The following KPNA6 variants were observed in gnomAD, a reference collection of about 807,000 sequenced individuals.
KPNA6 encodes karyopherin subunit alpha 6, also known as importin subunit alpha-7.
Under a neutral mutation model 72.0 loss-of-function variants are expected in KPNA6, and 9 were observed. That is an observed-to-expected ratio of 0.13 (90% CI 0.08 to 0.22). The LOEUF is 0.22. Among genes scored for constraint, KPNA6 ranks in the 10% least tolerant of loss-of-function variants. The pLI is 1.00. For missense variants in KPNA6, 374 were observed against 655.7 expected, an observed-to-expected ratio of 0.57 and a Z score of 4.69; for synonymous variants, 219 against 242.1, an observed-to-expected ratio of 0.90 and a Z score of 0.89.
intron 10 of KPNA6, among the ~76,000 whole-genome samples, chr1:32,164,734 A>G (rs1642301733): frequency 7.3e-6 from 1 of 137,572 alleles, no homozygotes; most frequent in Non-Finnish European, 1.6e-5. Flanking sequence ...TCTTTTGCTC[A>G]TGTTTTAATT....
At chr1:32,163,479 C>G (rs1642278786) in intron 10 of KPNA6, among the ~76,000 whole-genome samples, 166 bp downstream of exon 10, 1 of 152,190 alleles carries the variant, frequency 6.6e-6, no homozygotes, top group South Asian at 2.1e-4. Flanking sequence ...CTCTGTTATT[C>G]TCTAAACAGT....
chr1:32,119,014 A>G (rs1641378960), intron 1 of KPNA6, among the ~76,000 whole-genome samples: 1 of 67,628 alleles, frequency 1.5e-5, no homozygotes, highest in Non-Finnish European at 2.5e-5. Flanking sequence ...ATATATATAT[A>G]TATATATATA....
At chr1:32,145,037 C>T (rs2124027594) in intron 1 of KPNA6, among the ~76,000 whole-genome samples, 1 of 151,456 alleles carries the variant, frequency 6.6e-6, no homozygotes, top group Non-Finnish European at 1.5e-5. Flanking sequence ...ACTGCAAACT[C>T]CGCCTCCCAG....
chr1:32,122,271 T>C lies in KPNA6; in HGVS notation c.4+14137T>C, dbSNP rs183885532. On this transcript the variant is annotated intron_variant, in intron 1 of 13. Transcript: ENST00000373625. ...CCTGGGGGACAAGAGCTAGATTTTGTCTCAAAAAACAAAATGTGAAACAAA... is the reference window on the plus strand; with the variant it reads ...CCTGGGGGACAAGAGCTAGATTTTGCCTCAAAAAACAAAATGTGAAACAAA... Among the ~76,000 whole-genome samples the C allele has an allele frequency of 9.1e-4, 135 of 149,074 alleles. 1 individual carries two copies. The highest frequency in any genetic ancestry group is 7.8e-3 in the Admixed American group (115 of 14,750).
intron 1 of KPNA6, among the ~76,000 whole-genome samples, chr1:32,134,304 T>C (rs1215833977): frequency 1.4e-5 from 2 of 147,984 alleles, no homozygotes. Context: ...CCTTCTAAAA[T>C]GAGGGAGAAA....
intron 1 of KPNA6, among the ~76,000 whole-genome samples, chr1:32,147,207 A>G (rs1641944041): frequency 6.6e-6 from 1 of 152,186 alleles, no homozygotes; most frequent in South Asian, 2.1e-4. Context: ...GGGAAATGTC[A>G]TAATTCTCCC....
At chr1:32,168,107 G>A (rs1403155538) in intron 12 of KPNA6, among the ~76,000 whole-genome samples, 1 of 152,200 alleles carries the variant, frequency 6.6e-6, no homozygotes, top group African/African-American at 2.4e-5. Context: ...GGTCACAGTT[G>A]TAATAAGCTG....
At chr1:32,166,887 G>A (rs551133173) in intron 11 of KPNA6, among the ~76,000 whole-genome samples, 5 of 152,134 alleles carry the variant, frequency 3.3e-5, no homozygotes, top group East Asian at 3.9e-4. Flanking sequence ...GCAGTGAGCC[G>A]AGATCGCGCC....
intron 1 of KPNA6, among the ~76,000 whole-genome samples, chr1:32,116,221 GC>G (rs1641325745): frequency 6.7e-6 from 1 of 149,610 alleles, no homozygotes; most frequent in Admixed American, 6.7e-5. Context: ...AGGCTGGAGT[GC>G]AGTGGCCCTA....
intron 1 of KPNA6, among the ~76,000 whole-genome samples, chr1:32,141,017 A>C (rs1320605922): frequency 6.6e-6 from 1 of 152,192 alleles, no homozygotes. Context: ...ACATCCCAGC[A>C]TCATGGCTGG....
intron 9 of KPNA6, among the ~76,000 whole-genome samples, chr1:32,162,839 G>GA (rs994017718): frequency 1.5e-5 from 2 of 131,424 alleles, no homozygotes; most frequent in African/African-American, 5.8e-5. Context: ...CGTCTCAAAG[G>GA]AAAAAAAAGA....
chr1:32,117,169 T>G (rs1330190232), intron 1 of KPNA6, among the ~76,000 whole-genome samples: 3 of 143,808 alleles, frequency 2.1e-5, no homozygotes, highest in Non-Finnish European at 4.5e-5. Context: ...CTTCAATTTG[T>G]TTTTTTTTGT....
intron 1 of KPNA6, among the ~76,000 whole-genome samples, chr1:32,125,782 G>A (rs1351818382): frequency 1.3e-5 from 2 of 151,960 alleles, no homozygotes; most frequent in African/African-American, 4.8e-5. Flanking sequence ...ATTTTAGAAA[G>A]GCATTATGGT....
chr1:32,129,462 AT>A (rs1232702938), intron 1 of KPNA6, among the ~76,000 whole-genome samples: 1 of 152,140 alleles, frequency 6.6e-6, no homozygotes, highest in Non-Finnish European at 1.5e-5. Context: ...CAGCCTTCAA[AT>A]GACTACCTAA....
chr1:32,165,128 AACT>A (rs920285772), intron 10 of KPNA6, among the ~76,000 whole-genome samples: 4 of 151,992 alleles, frequency 2.6e-5, no homozygotes, highest in African/African-American at 7.3e-5. Flanking sequence ...GCTACTCTTG[AACT>A]ACTGGGCTTA....
intron 10 of KPNA6, among the ~76,000 whole-genome samples, chr1:32,163,967 A>C (rs992417018): frequency 5.9e-5 from 9 of 152,246 alleles, no homozygotes; most frequent in Non-Finnish European, 1.3e-4. Flanking sequence ...CATAAAGTAC[A>C]TTCACATTGT....
At chr1:32,118,866 G>A (rs1324744584) in intron 1 of KPNA6, among the ~76,000 whole-genome samples, 3 of 151,166 alleles carry the variant, frequency 2.0e-5, no homozygotes, top group Non-Finnish European at 2.9e-5. Context: ...TGCCTGTAAA[G>A]CATTTTAGCT....
chr1:32,166,932 T>A (rs1642350723), intron 11 of KPNA6, among the ~76,000 whole-genome samples: 1 of 152,090 alleles, frequency 6.6e-6, no homozygotes, highest in Non-Finnish European at 1.5e-5. Flanking sequence ...AGCAAGACTG[T>A]CTCAGAAAAT....
intron 1 of KPNA6, among the ~76,000 whole-genome samples, chr1:32,137,612 C>T (rs915834277): frequency 1.3e-5 from 2 of 152,230 alleles, no homozygotes; most frequent in East Asian, 1.9e-4. Flanking sequence ...CATTTGAGGG[C>T]ATGCTGTGTA....
Sources: gnomAD v4.1 joint callset for allele counts (sites outside exome capture counted in the v4.1 genomes callset) on GRCh38, gnomAD v4.1.1 for gene constraint, MANE v1.5 for transcripts, NCBI Gene and HGNC (gene_info 2026-07-23, HGNC 2026-07-21) for gene names.